Variants in PTPRD observed in about 807,000 individuals in gnomAD.
The protein encoded by PTPRD is protein tyrosine phosphatase receptor type D, also known as receptor-type tyrosine-protein phosphatase delta.
PTPRD carries 34 observed loss-of-function variants against 214.5 expected under a neutral mutation model. The ratio of observed to expected loss-of-function variants is 0.16; its 90% CI spans 0.12 to 0.21. The LOEUF (loss-of-function observed/expected upper bound fraction) is 0.21. Among genes scored for constraint, PTPRD ranks in the 10% least tolerant of loss-of-function variants. The pLI is 1.00. For missense variants in PTPRD, 2,545 were observed against 2,398.7 expected, an observed-to-expected ratio of 1.06 and a Z score of -1.27; for synonymous variants, 1,128 against 845.7, an observed-to-expected ratio of 1.33 and a Z score of -5.79.
intron 2 of PTPRD, among the ~76,000 whole-genome samples, chr9:10,398,296 G>C (rs576332206): frequency 5.3e-5 from 8 of 151,800 alleles, no homozygotes; most frequent in Middle Eastern, 3.4e-3. Context: ...GGGAAAAATT[G>C]CTTGAGTCCC....
At chr9:9,989,985 T>C (rs1398544077) in intron 4 of PTPRD, among the ~76,000 whole-genome samples, 1 of 152,162 alleles carries the variant, frequency 6.6e-6, no homozygotes, top group Non-Finnish European at 1.5e-5. Context: ...AAGGGGACTA[T>C]CCCATCTCAA....
At chr9:10,158,769 T>G (rs990016632) in intron 3 of PTPRD, among the ~76,000 whole-genome samples, 4 of 152,108 alleles carry the variant, frequency 2.6e-5, no homozygotes, top group African/African-American at 4.8e-5. Flanking sequence ...AAAAATGAGA[T>G]TGAGATGGGC....
chr9:10,148,221 G>A (rs1035688047), intron 3 of PTPRD, among the ~76,000 whole-genome samples: 9 of 152,050 alleles, frequency 5.9e-5, no homozygotes, highest in Admixed American at 1.3e-4. Context: ...GTAGCTTTCC[G>A]GGAAAGAAGG....
At chr9:10,466,687 A>C (rs368011709) in intron 2 of PTPRD, among the ~76,000 whole-genome samples, 16 of 151,834 alleles carry the variant, frequency 1.1e-4, no homozygotes, top group East Asian at 7.7e-4. Context: ...ATAGCTCTAA[A>C]GTGAAAATCA....
intron 10 of PTPRD, among the ~76,000 whole-genome samples, chr9:9,068,068 C>A (rs534230674): frequency 7.9e-5 from 12 of 152,304 alleles, no homozygotes; most frequent in African/African-American, 2.9e-4. Context: ...AAATTATATA[C>A]ATAAATACAT....
At chr9:9,079,050 T>G (rs979630355) in intron 10 of PTPRD, among the ~76,000 whole-genome samples, 4 of 152,078 alleles carry the variant, frequency 2.6e-5, no homozygotes, top group African/African-American at 9.7e-5. Flanking sequence ...TATCATTTAT[T>G]TGTGTTGGTA....
chr9:8,497,156 A>G, intron 26 of PTPRD, 86 bp downstream of exon 26: 1 of 1,193,802 alleles, frequency 8.4e-7, no homozygotes, highest in Non-Finnish European at 1.2e-6. Flanking sequence ...GCAAACTGTG[A>G]TGACAGATCA....
intron 6 of PTPRD, among the ~76,000 whole-genome samples, chr9:9,737,543 A>G (rs1050569228): frequency 1.3e-5 from 2 of 152,052 alleles, no homozygotes; most frequent in Non-Finnish European, 2.9e-5. Flanking sequence ...CTCCTAATCT[A>G]TTGTCTCTCT....
Position 8,590,718 on chromosome 9 carries a change from A to T in PTPRD, c.352+42599T>A, listed in dbSNP as rs536223695. Among the ~76,000 whole-genome samples, 95 of 152,304 alleles carry T rather than the reference A, an allele frequency of 6.2e-4. 1 individual carries two copies. Among genetic ancestry groups the T allele is most frequent in the Admixed American group, 4.4e-3 (67 of 15,284 alleles). On this transcript the variant is annotated intron_variant, in intron 14 of 45. Coordinates refer to ENST00000381196, the MANE Select transcript of PTPRD (RefSeq NM_002839.4). ...GGGGTCACAAAGGCATATGGATAGT[A>T]AATATAGAAATACTAGGGATTTGCA...
intron 4 of PTPRD, among the ~76,000 whole-genome samples, chr9:9,947,528 A>ATTT (rs1566622045): frequency 4.7e-5 from 1 of 21,376 alleles, no homozygotes; most frequent in African/African-American, 2.5e-4. Flanking sequence ...TATATTATAT[A>ATTT]TATTTTATAT....
At chr9:9,660,347 G>A (rs561442955) in intron 7 of PTPRD, among the ~76,000 whole-genome samples, 2 of 152,124 alleles carry the variant, frequency 1.3e-5, no homozygotes, top group East Asian at 1.9e-4. Flanking sequence ...GGGCAAGCAA[G>A]AGGACAGGTT....
At chr9:9,563,192 A>G (rs1313001241) in intron 8 of PTPRD, among the ~76,000 whole-genome samples, 1 of 152,176 alleles carries the variant, frequency 6.6e-6, no homozygotes, top group Non-Finnish European at 1.5e-5. Flanking sequence ...TGGTCAAGAT[A>G]TAGTAATAAA....
chr9:8,363,073 G>A (rs576622796), intron 39 of PTPRD, among the ~76,000 whole-genome samples: 1 of 152,252 alleles, frequency 6.6e-6, no homozygotes, highest in South Asian at 2.1e-4. Flanking sequence ...TTGAGCATGT[G>A]TAAAACATAG....
intron 3 of PTPRD, among the ~76,000 whole-genome samples, chr9:10,200,250 A>G (rs2099414271): frequency 6.6e-6 from 1 of 152,098 alleles, no homozygotes; most frequent in Non-Finnish European, 1.5e-5. Context: ...TATTTTTTAA[A>G]TCTGTTTCCC....
At chr9:10,111,395 C>T (rs906682437) in intron 3 of PTPRD, among the ~76,000 whole-genome samples, 29 of 149,892 alleles carry the variant, frequency 1.9e-4, no homozygotes, top group Middle Eastern at 6.8e-3. Flanking sequence ...CCCGCCACTA[C>T]GCCCAGCTAA....
intron 14 of PTPRD, among the ~76,000 whole-genome samples, chr9:8,575,739 A>G (rs1319352954): frequency 6.6e-6 from 1 of 152,238 alleles, no homozygotes; most frequent in East Asian, 1.9e-4. Context: ...CAGTTTTTCA[A>G]AATGAGTTTA....
chr9:9,456,705 A>T (rs965039273), intron 8 of PTPRD, among the ~76,000 whole-genome samples: 4 of 151,898 alleles, frequency 2.6e-5, no homozygotes, highest in Admixed American at 2.6e-4. Context: ...TACTAATCTT[A>T]AACTGCTACA....
chr9:9,040,503 A>G (rs2099636253), intron 10 of PTPRD, among the ~76,000 whole-genome samples: 1 of 152,140 alleles, frequency 6.6e-6, no homozygotes, highest in South Asian at 2.1e-4. Context: ...CAACTAATTT[A>G]CATATTCAAC....
At chr9:8,965,277 G>A (rs1184706456) in intron 11 of PTPRD, among the ~76,000 whole-genome samples, 1 of 152,022 alleles carries the variant, frequency 6.6e-6, no homozygotes, top group African/African-American at 2.4e-5. Flanking sequence ...CTACTAGGGA[G>A]GCTGAGGCAG....
Sources: allele counts gnomAD v4.1 joint callset (sites outside exome capture counted in the v4.1 genomes callset), GRCh38; gene constraint gnomAD v4.1.1; transcripts MANE v1.5; gene names NCBI Gene and HGNC (gene_info 2026-07-23, HGNC 2026-07-21).